The following PLA2G6 variants were observed in gnomAD, a reference collection of about 807,000 sequenced individuals.
The protein encoded by PLA2G6 is 85/88 kDa calcium-independent phospholipase A2.
In PLA2G6, 62 loss-of-function variants were observed where a neutral mutation model predicts 83.8. That is an observed-to-expected ratio of 0.74 (90% CI 0.60 to 0.91). The LOEUF is 0.91. PLA2G6 is among the 40% of genes least tolerant of loss of function. PLA2G6 has a pLI of 0.00. For synonymous variants in PLA2G6, 417 were observed against 449.8 expected, an observed-to-expected ratio of 0.93 and a Z score of 0.92; for missense variants, 944 against 1,102.0, an observed-to-expected ratio of 0.86 and a Z score of 2.03.
chr22:38,126,306 G>A lies in PLA2G6; in HGVS notation c.1427+65C>T, dbSNP rs977556550. ...GAGTAAAGCCCTGAGCCCACAACAGGGGGTGGGTGAGGGGCAGGAAAGCGC... is the reference window on the plus strand; with the variant it reads ...GAGTAAAGCCCTGAGCCCACAACAGAGGGTGGGTGAGGGGCAGGAAAGCGC... On this transcript the variant is annotated intron_variant, in intron 10 of 16. Transcript: ENST00000332509. The A allele has an allele frequency of 2.4e-6, 3 of 1,236,998 alleles. No individual in the cohort carries two copies. The African/African-American group carries it at 4.4e-5, about 18-fold the overall frequency. The allele number at this position is 1,236,998 out of a possible 1,614,324, so 76.6% of individuals were successfully genotyped here.
chr22:38,125,798 C>A, intron 10 of PLA2G6: 1 of 446,716 alleles, frequency 2.2e-6, no homozygotes, highest in Non-Finnish European at 4.6e-6. Flanking sequence ...GTGGCGACAG[C>A]ACAGTGGCTG....
chr22:38,114,705 C>T (rs937820455), intron 14 of PLA2G6, among the ~76,000 whole-genome samples: 1 of 152,216 alleles, frequency 6.6e-6, no homozygotes, highest in African/African-American at 2.4e-5. Context: ...AGAGCCTCTG[C>T]TGCGCTGCCC....
At chr22:38,115,396 T>C (rs2145681775) in intron 14 of PLA2G6, 131 bp downstream of exon 14, 1 of 783,138 alleles carries the variant, frequency 1.3e-6, no homozygotes, top group Non-Finnish European at 2.2e-6. Context: ...ATTTGCCCTG[T>C]GTGCACATAT....
intron 1 of PLA2G6, among the ~76,000 whole-genome samples, chr22:38,177,372 C>A (rs982985748): frequency 1.3e-5 from 2 of 152,144 alleles, no homozygotes; most frequent in Admixed American, 6.6e-5. Context: ...GGCTTGATCC[C>A]ATCCCCTCAC....
Position 38,128,547 on chromosome 22 carries a change from A to G in PLA2G6, c.1187-117T>C. 8.7e-7 allele frequency: 1 copy of G among 1,153,928 alleles called. No homozygotes were observed. Among genetic ancestry groups the G allele is most frequent in the Non-Finnish European group, 1.2e-6 (1 of 800,804 alleles). The allele number at this position is 1,153,928 out of a possible 1,614,324, so 71.5% of individuals were successfully genotyped here. On this transcript the variant is annotated intron_variant, in intron 8 of 16. Coordinates refer to ENST00000332509, the MANE Select transcript of PLA2G6 (RefSeq NM_003560.4). The surrounding 1 kb of genome is among the most constrained non-coding windows in gnomAD (Gnocchi z 4.4). ...CTGTCCCAGCTCCCAGGCCCTGGGC[A>G]CGTGGGCTGCTCCAGAGGCCTCAGC...
At chr22:38,115,883 A>G (rs2087160522) in intron 13 of PLA2G6, 192 bp downstream of exon 13, 1 of 1,480,780 alleles carries the variant, frequency 6.8e-7, no homozygotes, top group Admixed American at 2.1e-5. Flanking sequence ...AGGACTTTCC[A>G]GGGACTTTTC....
At position 38,129,521 on chromosome 22, in the gene PLA2G6, T is replaced by C; in HGVS notation, c.1119A>G (p.Gly373=). ...VEMIKALIVF[G]AEVDTPNDFG... is the part of the protein sequence containing the mutation. Reference sequence around the variant, plus strand: ...AGTCATTCGGGGTGTCCACTTCTGCTCCGAACACGATGAGGGCCTTGATCA... The same window carrying C: ...AGTCATTCGGGGTGTCCACTTCTGCCCCGAACACGATGAGGGCCTTGATCA... Residue 373 remains glycine, a synonymous_variant, in exon 8 of 17, where the codon GGA becomes GGG. Coordinates refer to ENST00000332509, the MANE Select transcript of PLA2G6 (RefSeq NM_003560.4). 1.9e-6 allele frequency: 3 copies of C among 1,614,094 alleles called. No individual in the cohort carries two copies. The highest frequency in any genetic ancestry group is 2.5e-6 in the Non-Finnish European group (3 of 1,179,962).
chr22:38,150,560 C>T (rs944382955), intron 2 of PLA2G6: 1 of 152,194 alleles, frequency 6.6e-6, no homozygotes, highest in African/African-American at 2.4e-5. Context: ...TAGTTTGTTA[C>T]ACAGCAATAA....
intron 12 of PLA2G6, among the ~76,000 whole-genome samples, chr22:38,119,901 CACCAAA>C (rs1027018043): frequency 2.0e-5 from 3 of 151,746 alleles, no homozygotes; most frequent in Non-Finnish European, 4.4e-5. Context: ...GAACATGGGC[CACCAAA>C]ACCAAAACCA....
chr22:38,134,966 AC>A, intron 6 of PLA2G6, 21 bp downstream of exon 6: 2 of 593,954 alleles, frequency 3.4e-6, no homozygotes, highest in Non-Finnish European at 6.3e-6. Flanking sequence ...TGCCCCACCC[AC>A]CCACCTCAGG....
At chr22:38,141,387 G>T (rs901963893) in intron 4 of PLA2G6, 3 of 152,278 alleles carry the variant, frequency 2.0e-5, no homozygotes, top group African/African-American at 7.2e-5. Flanking sequence ...GGGTTTTACT[G>T]TCTCACTTTT....
rs573162548 is a variant in PLA2G6, at chr22:38,175,897, G to T, written c.-46+5767C>A. Among the ~76,000 whole-genome samples the T allele has an allele frequency of 7.9e-5, 12 of 152,234 alleles. 1 individual carries two copies. The highest frequency in any genetic ancestry group is 2.9e-4 in the African/African-American group (12 of 41,540). ...ATAAGTTTGGTGAATGAATGAATGA[G>T]AATGAATGAATGAACCACCTATAAG... On this transcript the variant is annotated intron_variant, in intron 1 of 16. Coordinates refer to ENST00000332509, the MANE Select transcript of PLA2G6 (RefSeq NM_003560.4).
At chr22:38,171,033 A>G (rs132995) in intron 1 of PLA2G6, among the ~76,000 whole-genome samples, 17,588 of 151,998 alleles carry the variant, frequency 0.12, 1,239 homozygotes, top group African/African-American at 0.18. Flanking sequence ...TTAGCCAGGC[A>G]TGGTGGCGCA....
chr22:38,181,501 G>C (rs1481791837), intron 1 of PLA2G6, among the ~76,000 whole-genome samples, 163 bp downstream of exon 1: 3 of 152,084 alleles, frequency 2.0e-5, no homozygotes, highest in Admixed American at 6.6e-5. Flanking sequence ...GAGGAGACTG[G>C]GGTTCAGGGG....
intron 15 of PLA2G6, 173 bp from the exon 16 acceptor site, chr22:38,112,750 C>T (rs2086957661): frequency 1.5e-6 from 1 of 664,522 alleles, no homozygotes; most frequent in Non-Finnish European, 2.7e-6. Context: ...CCTGGGACTG[C>T]AGGGACTGTC....
intron 1 of PLA2G6, among the ~76,000 whole-genome samples, chr22:38,174,377 G>A (rs969119504): frequency 1.3e-5 from 2 of 151,350 alleles, no homozygotes; most frequent in Non-Finnish European, 2.9e-5. Context: ...CAGCCTGGGC[G>A]AGAGCGAGAC....
Position 38,128,178 on chromosome 22 carries a change from T to C in PLA2G6, c.1348+91A>G. On this transcript the variant is annotated intron_variant, in intron 9 of 16. Coordinates refer to ENST00000332509, the MANE Select transcript of PLA2G6 (RefSeq NM_003560.4). The surrounding 1 kb of genome is among the most constrained non-coding windows in gnomAD (Gnocchi z 4.4). The stretch of plus-strand genomic sequence containing the variant: ...CCCCGGCTTCCTTTAGTGACTTCCG[T>C]CCTAGGGATCCTGTTGCTTTGGTGG... 1 of 1,395,078 alleles carries C rather than the reference T, an allele frequency of 7.2e-7. No homozygotes were observed. The highest frequency in any genetic ancestry group is 2.5e-4 in the Middle Eastern group (1 of 3,980). The allele number at this position is 1,395,078 out of a possible 1,614,324, so 86.4% of individuals were successfully genotyped here.
At chr22:38,121,567 G>A (rs1192595617) in intron 11 of PLA2G6, among the ~76,000 whole-genome samples, 2 of 152,212 alleles carry the variant, frequency 1.3e-5, no homozygotes, top group Non-Finnish European at 2.9e-5. Context: ...CCTCCAGGAA[G>A]GAGAAGCTGC....
At chr22:38,127,720 GAA>G (rs2087951757) in intron 9 of PLA2G6, among the ~76,000 whole-genome samples, 4 of 152,218 alleles carry the variant, frequency 2.6e-5, no homozygotes, top group Admixed American at 2.6e-4. Flanking sequence ...AAAGTCCAGA[GAA>G]GGGTCCTGTC....
Sources: gnomAD v4.1 joint callset for allele counts (sites outside exome capture counted in the v4.1 genomes callset) on GRCh38, gnomAD v4.1.1 for gene constraint, Gnocchi (gnomAD v3.1) non-coding constraint, MANE v1.5 for transcripts, NCBI Gene and HGNC (gene_info 2026-07-23, HGNC 2026-07-21) for gene names.